Variants in ARHGAP5 observed in about 807,000 individuals in gnomAD.
The protein encoded by ARHGAP5 is Rho GTPase activating protein 5.
ARHGAP5 carries 23 observed loss-of-function variants against 116.6 expected under a neutral mutation model. That is an observed-to-expected ratio of 0.20 (90% CI 0.14 to 0.28). ARHGAP5 has a LOEUF of 0.28. Among genes scored for constraint, ARHGAP5 ranks in the 10% least tolerant of loss-of-function variants. The probability of loss-of-function intolerance (pLI) is 1.00; values close to 1 mark genes in which losing one functional copy is unlikely to be tolerated. For synonymous variants in ARHGAP5, 574 were observed against 602.0 expected (o/e 0.95, Z 0.68); for missense variants, 1,405 against 1,774.8 (o/e 0.79, Z 3.74).
At chr14:32,088,987 C>T (rs2041857957) in intron 1 of ARHGAP5, among the ~76,000 whole-genome samples, 1 of 151,912 alleles carries the variant, frequency 6.6e-6, no homozygotes, top group South Asian at 2.1e-4. Context: ...CACGTGGTTT[C>T]TACTTCCTTG....
Position 32,155,804 on chromosome 14 carries a change from AG to A in ARHGAP5, c.*857del, listed in dbSNP as rs1190808194. On this transcript the variant is annotated 3_prime_UTR_variant, in exon 7 of 7. Coordinates refer to ENST00000345122, the MANE Select transcript of ARHGAP5 (RefSeq NM_001030055.2). ...CCCTCTTGGGGAACACATTTAGTAT[AG>A]TGTAGAAAATACTTCCATGACATTT... 1 of 152,578 alleles carries A rather than the reference AG, an allele frequency of 6.6e-6. No individual in the cohort carries two copies. Among genetic ancestry groups the A allele is most frequent in the Non-Finnish European group, 1.5e-5 (1 of 67,996 alleles). 9.5% of individuals were successfully genotyped at this position (152,578 alleles called of 1,614,324 possible).
At chr14:32,132,867 G>C (rs1012844508) in intron 3 of ARHGAP5, among the ~76,000 whole-genome samples, 6 of 152,030 alleles carry the variant, frequency 3.9e-5, no homozygotes, top group African/African-American at 7.2e-5. Context: ...GCTTGTTTTT[G>C]TCAGGTTTGT....
At chr14:32,086,631 A>C (rs2041832086) in intron 1 of ARHGAP5, among the ~76,000 whole-genome samples, 2 of 151,978 alleles carry the variant, frequency 1.3e-5, no homozygotes, top group Non-Finnish European at 2.9e-5. Flanking sequence ...TGAATGCATC[A>C]ATTTTGTGAA....
Position 32,157,287 on chromosome 14 carries a change from A to C in ARHGAP5, c.*2339A>C, listed in dbSNP as rs1285947842. 3 of 152,142 alleles carry C rather than the reference A, an allele frequency of 2.0e-5. No individual in the cohort carries two copies. The highest frequency in any genetic ancestry group is 4.4e-5 in the Non-Finnish European group (3 of 67,768). 9.4% of individuals were successfully genotyped at this position (152,142 alleles called of 1,614,324 possible). On this transcript the variant is annotated 3_prime_UTR_variant, in exon 7 of 7. Transcript: ENST00000345122. ...AGATATGCTTTTAAATATTAGAAACATCTAAGAACAGAATAACATAATTAA... is the reference window on the plus strand; with the variant it reads ...AGATATGCTTTTAAATATTAGAAACCTCTAAGAACAGAATAACATAATTAA...
chr14:32,142,242 T>C (rs1011138932), intron 3 of ARHGAP5, among the ~76,000 whole-genome samples: 1 of 152,218 alleles, frequency 6.6e-6, no homozygotes, highest in Non-Finnish European at 1.5e-5. Context: ...GTCTAGTAAA[T>C]GCAATGGACA....
intron 1 of ARHGAP5, among the ~76,000 whole-genome samples, chr14:32,082,554 T>A (rs1004359808): frequency 6.0e-5 from 9 of 150,320 alleles, no homozygotes; most frequent in Non-Finnish European, 1.3e-4. Context: ...AATTAATTAA[T>A]TTTTTTTTTG....
Position 32,124,160 on chromosome 14 carries a change from A to G in ARHGAP5, c.3865+6873A>G, listed in dbSNP as rs1342568171. Reference sequence around the variant, plus strand: ...CCTCCCATCACTAACTACCACCTCAAAACTCTCCAGACACTACGTTGGGGC... The same window carrying G: ...CCTCCCATCACTAACTACCACCTCAGAACTCTCCAGACACTACGTTGGGGC... On this transcript the variant is annotated intron_variant, in intron 3 of 6. Transcript: ENST00000345122. Among the ~76,000 whole-genome samples, 12 of 152,020 alleles carry G rather than the reference A, an allele frequency of 7.9e-5. No individual in the cohort carries two copies. The East Asian group carries it at 2.3e-3, about 29-fold the overall frequency.
intron 3 of ARHGAP5, among the ~76,000 whole-genome samples, chr14:32,141,977 TTA>T (rs375850820): frequency 2.6e-5 from 4 of 152,168 alleles, no homozygotes; most frequent in African/African-American, 9.6e-5. Context: ...CAACCAGTCT[TTA>T]AAAATTCACT....
intron 1 of ARHGAP5, among the ~76,000 whole-genome samples, chr14:32,082,120 C>T (rs1447722979): frequency 6.6e-6 from 1 of 152,138 alleles, no homozygotes; most frequent in Non-Finnish European, 1.5e-5. Context: ...CCAGGCCACC[C>T]CTCACCTCCT....
intron 3 of ARHGAP5, 103 bp from the exon 4 acceptor site, chr14:32,146,160 C>T: frequency 2.5e-6 from 2 of 789,934 alleles, no homozygotes; most frequent in South Asian, 1.8e-5. Flanking sequence ...GTTCTCCCAC[C>T]TTGGCCTCCC....
chr14:32,139,269 A>C (rs1220957894), intron 3 of ARHGAP5, among the ~76,000 whole-genome samples: 1 of 152,090 alleles, frequency 6.6e-6, no homozygotes, highest in Non-Finnish European at 1.5e-5. Context: ...TTTTTAGAAG[A>C]GTTTGAGATC....
intron 3 of ARHGAP5, among the ~76,000 whole-genome samples, 195 bp from the exon 4 acceptor site, chr14:32,146,068 C>T (rs1418023888): frequency 6.6e-6 from 1 of 151,854 alleles, no homozygotes; most frequent in Non-Finnish European, 1.5e-5. Flanking sequence ...GCCACCATGC[C>T]CAGCTAAGTT....
At chr14:32,125,327 T>C (rs1444247177) in intron 3 of ARHGAP5, among the ~76,000 whole-genome samples, 3 of 152,224 alleles carry the variant, frequency 2.0e-5, no homozygotes, top group Admixed American at 6.5e-5. Context: ...TTGTAACATG[T>C]ATCATTATGT....
intron 1 of ARHGAP5, among the ~76,000 whole-genome samples, chr14:32,078,770 A>G (rs1264894273): frequency 6.6e-6 from 1 of 152,204 alleles, no homozygotes; most frequent in Non-Finnish European, 1.5e-5. Context: ...AATTTCATCT[A>G]GATGCAGCGA....
rs549063819 is a variant in ARHGAP5, at chr14:32,149,876, T to G, written c.3944-26T>G. On this transcript the variant is annotated intron_variant, in intron 4 of 6. Coordinates refer to ENST00000345122, the MANE Select transcript of ARHGAP5 (RefSeq NM_001030055.2). ...CTATAATAAAGTTTTATTATATAATTTAAAATGTTAATTTTTGTCTTGTAG... is the reference window on the plus strand; with the variant it reads ...CTATAATAAAGTTTTATTATATAATGTAAAATGTTAATTTTTGTCTTGTAG... 31 of 1,341,590 alleles carry G rather than the reference T, an allele frequency of 2.3e-5. No individual in the cohort carries two copies. The East Asian group carries it at 7.8e-4, about 34-fold the overall frequency. The allele number at this position is 1,341,590 out of a possible 1,614,324, so 83.1% of individuals were successfully genotyped here. A position where few individuals can be genotyped will look rare whatever the true frequency, so the allele number is the denominator to read the frequency against.
intron 2 of ARHGAP5, among the ~76,000 whole-genome samples, chr14:32,101,920 T>G (rs1194609689): frequency 6.6e-6 from 1 of 152,008 alleles, no homozygotes; most frequent in Admixed American, 6.6e-5. Flanking sequence ...AAGGTGAAGG[T>G]TGCAGTGAGC....
rs2139163839 is a variant in ARHGAP5 at position 32,157,406 on chromosome 14, A to G, written c.*2458A>G. ...ATTAAAAGAATAGGATAGTCTCATA[A>G]TTGTGAGTAAACATCAAGGCATTAT... On this transcript the variant is annotated 3_prime_UTR_variant, in exon 7 of 7. Transcript: ENST00000345122. 2 of 152,434 alleles carry G rather than the reference A, an allele frequency of 1.3e-5. 1 individual carries two copies. Among genetic ancestry groups the G allele is most frequent in the South Asian group, 4.1e-4 (2 of 4,828 alleles). The allele number at this position is 152,434 out of a possible 1,614,324, so 9.4% of individuals were successfully genotyped here. A position where few individuals can be genotyped will look rare whatever the true frequency, so the allele number is the denominator to read the frequency against.
chr14:32,137,716 T>A (rs1638917041), intron 3 of ARHGAP5, among the ~76,000 whole-genome samples: 1 of 152,104 alleles, frequency 6.6e-6, no homozygotes, highest in Admixed American at 6.6e-5. Context: ...CTCACGCCTG[T>A]AATCCCAGCA....
rs1309654815 is a variant in ARHGAP5 at position 32,092,006 on chromosome 14, C to T, written c.1337C>T (p.Pro446Leu). Residue 446 changes from proline to leucine, a missense_variant, in exon 2 of 7, where the codon CCA becomes CTA. Pro to Leu is a moderately conservative substitution (Grantham distance 98). Around this residue, in one of 6 missense-constraint regions of ARHGAP5, gnomAD observed 944 missense variants for 1,095.3 expected, o/e 0.86. Transcript: ENST00000345122. This position sits in a 1 kb window ranked among gnomAD's most constrained non-coding sequence, Gnocchi z 4.1. The part of the protein sequence containing the change: ...KTLEKIQFIS[P>L]GQPWEEVMCF... ...TTGGAAAAAATTCAATTCATTTCAC[C>T]AGGGCAGCCATGGGAGGAAGTTATG... The T allele has an allele frequency of 6.2e-7, 1 of 1,613,448 alleles. No homozygotes were observed. The highest frequency in any genetic ancestry group is 2.2e-5 in the East Asian group (1 of 44,866).
Sources: allele counts gnomAD v4.1 joint callset (sites outside exome capture counted in the v4.1 genomes callset), GRCh38; gene constraint gnomAD v4.1.1; regional missense constraint gnomAD v4.1.1; non-coding constraint Gnocchi (gnomAD v3.1); transcripts MANE v1.5; gene names NCBI Gene and HGNC (gene_info 2026-07-23, HGNC 2026-07-21).